Variants in UQCC1 observed in about 807,000 individuals in gnomAD.
UQCC1 encodes the protein ubiquinol-cytochrome c reductase complex assembly factor 1.
A neutral mutation model predicts 48.0 loss-of-function variants in UQCC1; 38 were observed. The ratio of observed to expected loss-of-function variants is 0.79; its 90% CI spans 0.61 to 1.04. The LOEUF (loss-of-function observed/expected upper bound fraction) is 1.04, where lower values mean the gene tolerates loss of function less well. Among genes scored for constraint, UQCC1 ranks in the 50% least tolerant of loss-of-function variants. UQCC1 has a pLI of 0.00. For missense variants in UQCC1, 368 were observed against 381.8 expected (o/e 0.96, Z 0.30); for synonymous variants, 111 against 129.2 (o/e 0.86, Z 0.95).
chr20:35,325,593 G>A (rs746232024), intron 7 of UQCC1, among the ~76,000 whole-genome samples: 3 of 152,208 alleles, frequency 2.0e-5, no homozygotes, highest in Non-Finnish European at 2.9e-5. Context: ...GTATTCTACT[G>A]TGGTATATGC....
intron 6 of UQCC1, among the ~76,000 whole-genome samples, chr20:35,348,571 T>G (rs2061456417): frequency 6.6e-6 from 1 of 152,074 alleles, no homozygotes; most frequent in African/African-American, 2.4e-5. Context: ...TTTGTATTTT[T>G]AATAGATATG....
chr20:35,411,020 A>C (rs191686509), intron 1 of UQCC1, among the ~76,000 whole-genome samples: 129 of 152,266 alleles, frequency 8.5e-4, no homozygotes, highest in African/African-American at 3.0e-3. Context: ...TCAAAAACAC[A>C]AATGTAAAAT....
chr20:35,348,451 G>A (rs1046647922), intron 6 of UQCC1, among the ~76,000 whole-genome samples: 7 of 151,758 alleles, frequency 4.6e-5, no homozygotes, highest in Non-Finnish European at 1.0e-4. Flanking sequence ...GTGCAGTGGC[G>A]CCATCTCGGC....
At chr20:35,317,176 G>A (rs939169825) in intron 7 of UQCC1, among the ~76,000 whole-genome samples, 3 of 151,732 alleles carry the variant, frequency 2.0e-5, no homozygotes, top group African/African-American at 7.3e-5. Context: ...GACCTCAGGC[G>A]ATCAGCCCGC....
At chr20:35,333,972 G>A (rs1031124431) in intron 7 of UQCC1, among the ~76,000 whole-genome samples, 1 of 152,186 alleles carries the variant, frequency 6.6e-6, no homozygotes, top group African/African-American at 2.4e-5. Flanking sequence ...GGGCTGGGAA[G>A]GGGGCAGTTT....
intron 1 of UQCC1, among the ~76,000 whole-genome samples, chr20:35,410,388 C>T (rs2062331417): frequency 6.6e-6 from 1 of 151,376 alleles, no homozygotes; most frequent in Non-Finnish European, 1.5e-5. Flanking sequence ...AAAAGTTAGC[C>T]AGGTGTGGTG....
intron 7 of UQCC1, among the ~76,000 whole-genome samples, chr20:35,324,718 C>A (rs1406257066): frequency 2.6e-5 from 4 of 152,158 alleles, no homozygotes. Context: ...AAAACTGAAA[C>A]CCTCATGCAT....
At chr20:35,371,110 T>G (rs762143125) in intron 5 of UQCC1, among the ~76,000 whole-genome samples, 1 of 152,204 alleles carries the variant, frequency 6.6e-6, no homozygotes, top group Non-Finnish European at 1.5e-5. Context: ...TCTTAAGTTT[T>G]ATAAGTAGTT....
At chr20:35,326,606 A>G (rs567989294) in intron 7 of UQCC1, among the ~76,000 whole-genome samples, 21 of 152,268 alleles carry the variant, frequency 1.4e-4, no homozygotes, top group African/African-American at 3.6e-4. Flanking sequence ...GTAGGTCGGT[A>G]TCATTACTCC....
At chr20:35,312,832 T>C (rs1297302363) in intron 8 of UQCC1, among the ~76,000 whole-genome samples, 1 of 152,176 alleles carries the variant, frequency 6.6e-6, no homozygotes, top group Admixed American at 6.5e-5. Context: ...TCTACTTATA[T>C]GAATTATCTA....
chr20:35,351,344 A>G (rs1348704690), intron 6 of UQCC1, among the ~76,000 whole-genome samples: 7 of 151,258 alleles, frequency 4.6e-5, no homozygotes, highest in Non-Finnish European at 1.0e-4. Context: ...TAAGTCAAAG[A>G]TCACGCCACT....
chr20:35,370,071 C>T (rs2061713011), intron 5 of UQCC1, among the ~76,000 whole-genome samples: 2 of 152,142 alleles, frequency 1.3e-5, no homozygotes, highest in Non-Finnish European at 2.9e-5. Flanking sequence ...GTGCAACATG[C>T]TCAGACAAAA....
At chr20:35,381,639 T>TC (rs1457887031) in intron 4 of UQCC1, among the ~76,000 whole-genome samples, 1 of 152,182 alleles carries the variant, frequency 6.6e-6, no homozygotes, top group Non-Finnish European at 1.5e-5. Flanking sequence ...AGAATGGTCC[T>TC]CCTCTATTGG....
chr20:35,305,135 G>A (rs2060914709), intron 9 of UQCC1, among the ~76,000 whole-genome samples: 1 of 152,206 alleles, frequency 6.6e-6, no homozygotes, highest in African/African-American at 2.4e-5. Context: ...CTTACTCCAG[G>A]GTTAGCCGTG....
intron 5 of UQCC1, among the ~76,000 whole-genome samples, chr20:35,367,940 G>A (rs1309161219): frequency 6.6e-6 from 1 of 152,152 alleles, no homozygotes; most frequent in East Asian, 1.9e-4. Context: ...TCTGTGCTCA[G>A]ACATCAAAGC....
intron 6 of UQCC1, among the ~76,000 whole-genome samples, chr20:35,350,157 T>C (rs138495856): frequency 1.3e-5 from 2 of 152,300 alleles, no homozygotes; most frequent in East Asian, 3.9e-4. Flanking sequence ...AGACAGGGTC[T>C]TGCTCTGTCA....
intron 7 of UQCC1, among the ~76,000 whole-genome samples, chr20:35,331,183 G>C (rs1054082613): frequency 6.6e-6 from 1 of 151,986 alleles, no homozygotes; most frequent in African/African-American, 2.4e-5. Context: ...TCTCCTACTT[G>C]CCCCATAACC....
intron 2 of UQCC1, among the ~76,000 whole-genome samples, chr20:35,388,951 A>T (rs1478706908): frequency 6.6e-6 from 1 of 152,060 alleles, no homozygotes; most frequent in East Asian, 1.9e-4. Flanking sequence ...TGTAGTCCCC[A>T]GCTACTCGGG....
chr20:35,363,453 C>T (rs534746327), intron 6 of UQCC1, among the ~76,000 whole-genome samples: 15 of 152,292 alleles, frequency 9.8e-5, no homozygotes, highest in African/African-American at 1.9e-4. Context: ...AGTGAGTATA[C>T]AACTGATAAG....
Sources: allele counts gnomAD v4.1 joint callset (sites outside exome capture counted in the v4.1 genomes callset), GRCh38; gene constraint gnomAD v4.1.1; transcripts MANE v1.5; gene names NCBI Gene and HGNC (gene_info 2026-07-23, HGNC 2026-07-21).